The following SHC4 variants were observed in gnomAD, a reference collection of about 807,000 sequenced individuals.
The protein encoded by SHC4 is SHC-transforming protein 4.
In SHC4, 41 loss-of-function variants were observed where a neutral mutation model predicts 69.4. The observed-to-expected ratio is 0.59, with a 90% CI of 0.46 to 0.77. The LOEUF (loss-of-function observed/expected upper bound fraction) is 0.77. Among genes scored for constraint, SHC4 ranks in the 30% least tolerant of loss-of-function variants. SHC4 has a pLI of 0.00. For synonymous variants in SHC4, 318 were observed against 299.3 expected (o/e 1.06, Z -0.64); for missense variants, 777 against 783.8 (o/e 0.99, Z 0.10).
chr15:48,857,677 A>G lies in SHC4; in HGVS notation c.1070+15T>C. ...ATATATATATTGTCAAATTATTATA[A>G]AACTCTTGGCTGACCTTTCACAAGA... On this transcript the variant is annotated intron_variant, in intron 7 of 11. Coordinates refer to ENST00000332408, the MANE Select transcript of SHC4 (RefSeq NM_203349.4). 1 of 1,585,316 alleles carries G rather than the reference A, an allele frequency of 6.3e-7. No homozygotes were observed. Among genetic ancestry groups the G allele is most frequent in the Non-Finnish European group, 8.6e-7 (1 of 1,166,760 alleles).
intron 3 of SHC4, among the ~76,000 whole-genome samples, chr15:48,888,040 G>A (rs561427704): frequency 5.3e-5 from 8 of 152,264 alleles, no homozygotes; most frequent in Non-Finnish European, 1.0e-4. Context: ...TACAGCTGCT[G>A]TAGAAAACAG....
At chr15:48,854,189 T>C (rs988917942) in intron 8 of SHC4, among the ~76,000 whole-genome samples, 1 of 152,180 alleles carries the variant, frequency 6.6e-6, no homozygotes, top group Non-Finnish European at 1.5e-5. Flanking sequence ...AAAGAACACA[T>C]ACAAGCAGCC....
At chr15:48,842,659 ATGG>A (rs1471248522) in intron 10 of SHC4, among the ~76,000 whole-genome samples, 2 of 152,184 alleles carry the variant, frequency 1.3e-5, no homozygotes, top group Non-Finnish European at 2.9e-5. Context: ...AAGGCCGGGC[ATGG>A]TGGTGCCTGT....
chr15:48,890,862 A>C lies in SHC4; in HGVS notation c.657-51T>G, dbSNP rs1567062620. On this transcript the variant is annotated intron_variant, in intron 2 of 11. Transcript: ENST00000332408. ...AAGACTTAGCATACTACCTCCACAC[A>C]GTAAGTGTTTAAGAAATGTTAGAAA... is the stretch of plus-strand genomic sequence containing the variant. The C allele has an allele frequency of 1.9e-6, 3 of 1,582,772 alleles. No homozygotes were observed. In the African/African-American group the frequency reaches 4.0e-5, roughly 21 times the overall value.
chr15:48,948,672 G>A (rs1032324143), intron 1 of SHC4, among the ~76,000 whole-genome samples: 1 of 152,176 alleles, frequency 6.6e-6, no homozygotes, highest in African/African-American at 2.4e-5. Context: ...TTGGAAGGCC[G>A]AGGCAGGAGA....
chr15:48,937,169 T>A (rs1243798010), intron 1 of SHC4, among the ~76,000 whole-genome samples: 1 of 152,248 alleles, frequency 6.6e-6, no homozygotes, highest in African/African-American at 2.4e-5. Context: ...AAAAGTATTA[T>A]ATCATTTGAG....
chr15:48,864,410 C>CTGCTT (rs1010447197), intron 6 of SHC4, among the ~76,000 whole-genome samples: 2 of 119,802 alleles, frequency 1.7e-5, no homozygotes, highest in African/African-American at 6.3e-5. Context: ...GGTGGCTTTT[C>CTGCTT]TGCTTTCCAA....
Position 48,884,327 on chromosome 15 carries a change from T to C in SHC4, c.761A>G (p.Asn254Ser). The change falls in exon 4 of 12, where the codon AAT (asparagine) becomes AGT (serine). Residue 254 changes from asparagine (N) to serine (S), a missense_variant. By Grantham distance (46) the Asn-to-Ser change is conservative. Transcript: ENST00000332408. The stretch of plus-strand genomic sequence containing the variant: ...TATATTCATTCCTGAAAACTGAAGA[T>C]TACTTTTGCCAAGGACTGTTGATAG... ...KFLSTVLGKSNLQFSGMNIKL... is the reference protein window; with the variant it reads ...KFLSTVLGKSSLQFSGMNIKL... 1 of 1,610,414 alleles carries C rather than the reference T, an allele frequency of 6.2e-7. No individual in the cohort carries two copies. Among genetic ancestry groups the C allele is most frequent in the East Asian group, 2.2e-5 (1 of 44,564 alleles).
chr15:48,901,208 G>C (rs1399942872), intron 2 of SHC4, among the ~76,000 whole-genome samples: 1 of 152,184 alleles, frequency 6.6e-6, no homozygotes, highest in East Asian at 1.9e-4. Context: ...GTGGGATTTG[G>C]CCTGCAGGCT....
At chr15:48,849,041 G>C (rs1195926855) in intron 9 of SHC4, among the ~76,000 whole-genome samples, 1 of 152,112 alleles carries the variant, frequency 6.6e-6, no homozygotes, top group Non-Finnish European at 1.5e-5. Context: ...TAATGGAGAG[G>C]AGAGAAACAA....
chr15:48,864,187 T>C (rs1489514039), intron 6 of SHC4, among the ~76,000 whole-genome samples: 1 of 152,202 alleles, frequency 6.6e-6, no homozygotes, highest in African/African-American at 2.4e-5. Context: ...AAGCCAGGTA[T>C]TGAAATGTTT....
intron 10 of SHC4, among the ~76,000 whole-genome samples, chr15:48,836,354 C>T: frequency 6.6e-6 from 1 of 152,160 alleles, no homozygotes; most frequent in Non-Finnish European, 1.5e-5. Flanking sequence ...TAGAATCTAG[C>T]CACTCTGCTT....
At chr15:48,896,665 C>T (rs1900228122) in intron 2 of SHC4, among the ~76,000 whole-genome samples, 1 of 152,116 alleles carries the variant, frequency 6.6e-6, no homozygotes, top group Non-Finnish European at 1.5e-5. Context: ...CTCCTCACCC[C>T]AAAGCTCCCC....
At chr15:48,905,831 T>A (rs559378814) in intron 2 of SHC4, among the ~76,000 whole-genome samples, 2 of 152,374 alleles carry the variant, frequency 1.3e-5, no homozygotes, top group South Asian at 4.1e-4. Flanking sequence ...GTGTATGTAT[T>A]GCCTGATTGA....
chr15:48,845,939 C>T (rs1899082978), intron 9 of SHC4, among the ~76,000 whole-genome samples: 1 of 151,814 alleles, frequency 6.6e-6, no homozygotes, highest in Admixed American at 6.6e-5. Context: ...TGTAGGAGTG[C>T]CTGCTCATAA....
rs1005490132 is a variant in SHC4 at position 48,826,679 on chromosome 15, A to G, written c.1738-553T>C. On this transcript the variant is annotated intron_variant, in intron 11 of 11. Transcript: ENST00000332408. ...GCAGTATTATTGTTTGGTATATTCTATGTCACTATCTCTATAACTATTTAA... is the reference window on the plus strand; with the variant it reads ...GCAGTATTATTGTTTGGTATATTCTGTGTCACTATCTCTATAACTATTTAA... 9.2e-5 allele frequency among the ~76,000 whole-genome samples: 14 copies of G among 152,116 alleles called. 1 individual carries two copies. Among genetic ancestry groups the G allele is most frequent in the Admixed American group, 9.2e-4 (14 of 15,258 alleles).
chr15:48,834,583 C>T (rs1898865001), intron 11 of SHC4, among the ~76,000 whole-genome samples, 186 bp downstream of exon 11: 1 of 152,036 alleles, frequency 6.6e-6, no homozygotes, highest in African/African-American at 2.4e-5. Context: ...CTTGATACTC[C>T]AGGGTGGCCT....
intron 3 of SHC4, among the ~76,000 whole-genome samples, chr15:48,890,392 A>G (rs1166579398): frequency 6.6e-6 from 1 of 152,226 alleles, no homozygotes; most frequent in Non-Finnish European, 1.5e-5. Context: ...GGAAGGCACT[A>G]AACTGGCCAT....
intron 1 of SHC4, among the ~76,000 whole-genome samples, chr15:48,937,117 T>C (rs927222452): frequency 7.2e-5 from 11 of 152,268 alleles, no homozygotes; most frequent in Non-Finnish European, 1.5e-4. Context: ...TGATTCATCA[T>C]GTGCCTTTGC....
Sources: allele counts gnomAD v4.1 joint callset (sites outside exome capture counted in the v4.1 genomes callset), GRCh38; gene constraint gnomAD v4.1.1; transcripts MANE v1.5; gene names NCBI Gene and HGNC (gene_info 2026-07-23, HGNC 2026-07-21).